Variants in ZNF536 observed in about 807,000 individuals in gnomAD.
The protein encoded by ZNF536 is zinc finger protein 536.
ZNF536 carries 13 observed loss-of-function variants against 84.5 expected under a neutral mutation model. The observed-to-expected ratio is 0.15, with a 90% CI of 0.10 to 0.24. The LOEUF is 0.24. Ranked by LOEUF, ZNF536 falls within the 10% of genes least tolerant of loss-of-function variation. The probability of loss-of-function intolerance (pLI) is 1.00; values close to 1 mark genes in which losing one functional copy is unlikely to be tolerated. For missense variants in ZNF536, 1,536 were observed against 1,747.5 expected, an observed-to-expected ratio of 0.88 and a Z score of 2.16; for synonymous variants, 811 against 742.5, an observed-to-expected ratio of 1.09 and a Z score of -1.50.
chr19:30,232,919 G>A (rs931396924), intron 1 of ZNF536, among the ~76,000 whole-genome samples: 4 of 152,216 alleles, frequency 2.6e-5, no homozygotes, highest in Non-Finnish European at 5.9e-5. Flanking sequence ...TCTCCCTTGG[G>A]GAGAATCAAG....
Position 30,601,845 on chromosome 19 carries a change from C to T in ZNF536, c.169+52331C>T, listed in dbSNP as rs150228455. Among the ~76,000 whole-genome samples, 46 of 152,288 alleles carry T rather than the reference C, an allele frequency of 3.0e-4. 1 individual carries two copies. Among genetic ancestry groups the T allele is most frequent in the African/African-American group, 9.9e-4 (41 of 41,548 alleles). Reference sequence around the variant, plus strand: ...GTGATGCTGAAGGGTGTGGTGGCACCGTGGCTAGGATGGGGTATTAGCAGG... The same window carrying T: ...GTGATGCTGAAGGGTGTGGTGGCACTGTGGCTAGGATGGGGTATTAGCAGG... On this transcript the variant is annotated intron_variant, in intron 1 of 1. Coordinates refer to the ZNF536 transcript ENST00000592773.
downstream of ZNF536, among the ~76,000 whole-genome samples, chr19:30,562,749 G>A (rs143001373): frequency 1.2e-3 from 178 of 151,830 alleles, no homozygotes; most frequent in African/African-American, 4.1e-3. Flanking sequence ...CGAGAGATAC[G>A]GGCTCAGGCT....
intron 1 of ZNF536, among the ~76,000 whole-genome samples, chr19:30,398,407 T>C (rs1261377688): frequency 6.6e-6 from 1 of 151,822 alleles, no homozygotes; most frequent in Non-Finnish European, 1.5e-5. Flanking sequence ...TTTTAAATTA[T>C]AGTTTAAGTT....
At position 30,627,943 on chromosome 19, in the gene ZNF536, GCTT is replaced by G. The variant is rs570324525; in HGVS notation, c.169+78435_169+78437del. 2.1e-3 allele frequency among the ~76,000 whole-genome samples: 322 copies of G among 152,304 alleles called. 4 individuals carry two copies. Among genetic ancestry groups the G allele is most frequent in the African/African-American group, 7.0e-3 (291 of 41,572 alleles). On this transcript the variant is annotated intron_variant, in intron 1 of 1. Coordinates refer to the ZNF536 transcript ENST00000592773. ...GGGCTGGGTGGCTCCGGCCATGACT[GCTT>G]CTTCTCTGAGTGTCCATCACGCCTC... is the stretch of plus-strand genomic sequence containing the variant.
At chr19:30,321,784 T>TC (rs2046867102) in intron 2 of ZNF536, among the ~76,000 whole-genome samples, 1 of 151,008 alleles carries the variant, frequency 6.6e-6, no homozygotes, top group East Asian at 1.9e-4. Context: ...TTTCTTTCTT[T>TC]TTTTTTTTTC....
intron 1 of ZNF536, among the ~76,000 whole-genome samples, chr19:30,258,513 A>G (rs975439511): frequency 2.6e-5 from 4 of 152,214 alleles, no homozygotes; most frequent in Non-Finnish European, 4.4e-5. Context: ...AGAAACGGAA[A>G]GTACATTAAC....
chr19:30,540,387 G>A (rs939264716), intron 3 of ZNF536, among the ~76,000 whole-genome samples: 1 of 152,170 alleles, frequency 6.6e-6, no homozygotes, highest in Non-Finnish European at 1.5e-5. Context: ...TGACTACAAA[G>A]CCTGACAGCA....
intron 2 of ZNF536, among the ~76,000 whole-genome samples, chr19:30,344,057 C>G (rs976139213): frequency 2.0e-5 from 3 of 151,894 alleles, no homozygotes; most frequent in Non-Finnish European, 4.4e-5. Context: ...GTTGAAGGGG[C>G]CCCTGTCAGA....
chr19:30,560,304 G>A (rs1402366414), downstream of ZNF536, among the ~76,000 whole-genome samples: 1 of 151,582 alleles, frequency 6.6e-6, no homozygotes, highest in Admixed American at 6.6e-5. Context: ...ATCCCCACAT[G>A]GGAATATAAC....
chr19:30,601,324 G>A (rs1599946073), intron 1 of ZNF536, among the ~76,000 whole-genome samples: 2 of 152,084 alleles, frequency 1.3e-5, no homozygotes, highest in Admixed American at 6.5e-5. Context: ...ACAAAACCAC[G>A]GCTCTCTGGG....
In ZNF536 at chr19:30,644,042, C is replaced by T. The variant is rs552698938; in HGVS notation, c.170-66715C>T. Among the ~76,000 whole-genome samples the T allele has an allele frequency of 1.5e-3, 231 of 152,286 alleles. 1 individual carries two copies. Among genetic ancestry groups the T allele is most frequent in the Middle Eastern group, 3.4e-3 (1 of 294 alleles). On this transcript the variant is annotated intron_variant, in intron 1 of 1. Coordinates refer to the ZNF536 transcript ENST00000592773. ...AATGTCATCTATCCCAAGGTGAAAG[C>T]TTCAGAGACAAGTGTTTAAAATGGC...
At chr19:30,271,943 T>C (rs2025877925) in intron 1 of ZNF536, among the ~76,000 whole-genome samples, 1 of 152,204 alleles carries the variant, frequency 6.6e-6, no homozygotes, top group South Asian at 2.1e-4. Flanking sequence ...ACTGGTAGAA[T>C]GAGGTCTTCA....
chr19:30,534,869 A>T lies in ZNF536; in HGVS notation c.2193A>T (p.Arg731Ser), dbSNP rs1033563568. ...CAGACATTGGCGAGGAGGCTGGGAG[A>T]TCTGCCGGCGTCCAGCAACCAGCGC... Reference protein sequence around the residue: ...SSSDIGEEAGRSAGVQQPALL... With the variant: ...SSSDIGEEAGSSAGVQQPALL... The change falls in exon 3 of 5, where the codon AGA becomes AGT. Residue 731 changes from arginine to serine, a missense_variant. By Grantham distance (110) the Arg-to-Ser change is moderately radical (BLOSUM62 -1). Transcript: ENST00000355537. 1 of 1,613,118 alleles carries T rather than the reference A, an allele frequency of 6.2e-7. No homozygotes were observed. The highest frequency in any genetic ancestry group is 1.1e-5 in the South Asian group (1 of 90,882).
At chr19:30,402,898 C>G (rs955841601) in intron 1 of ZNF536, among the ~76,000 whole-genome samples, 1 of 150,264 alleles carries the variant, frequency 6.7e-6, no homozygotes, top group African/African-American at 2.4e-5. Flanking sequence ...ACCCCCACCC[C>G]ACCCTGGCCA....
At chr19:30,446,271 A>AAAAG (rs1295737805) in intron 2 of ZNF536, among the ~76,000 whole-genome samples, 39 of 147,216 alleles carry the variant, frequency 2.6e-4, no homozygotes, top group East Asian at 1.2e-3. Flanking sequence ...AAAAAAAAAA[A>AAAAG]AAAGAAAGAA....
At chr19:30,610,010 C>T (rs148138471) in intron 1 of ZNF536, among the ~76,000 whole-genome samples, 1 of 152,136 alleles carries the variant, frequency 6.6e-6, no homozygotes, top group Admixed American at 6.5e-5. Context: ...ATCCATTCAT[C>T]CATCCATCCA....
chr19:30,330,741 G>C (rs565451955), intron 2 of ZNF536, among the ~76,000 whole-genome samples: 39 of 152,326 alleles, frequency 2.6e-4, no homozygotes, highest in African/African-American at 7.9e-4. Flanking sequence ...AATGGAAGCA[G>C]GTGGCCAGGG....
intron 1 of ZNF536, among the ~76,000 whole-genome samples, chr19:30,626,223 G>A (rs192336569): frequency 1.2e-4 from 19 of 152,302 alleles, no homozygotes; most frequent in African/African-American, 3.1e-4. Context: ...TGACCTATGA[G>A]GGGATAAATC....
intron 2 of ZNF536, among the ~76,000 whole-genome samples, chr19:30,508,403 T>A (rs1243246998): frequency 1.3e-5 from 2 of 152,168 alleles, no homozygotes; most frequent in African/African-American, 4.8e-5. Flanking sequence ...TCTCCTTCAT[T>A]CTTCAGTCCC....
Sources: allele counts gnomAD v4.1 joint callset (sites outside exome capture counted in the v4.1 genomes callset), GRCh38; gene constraint gnomAD v4.1.1; transcripts MANE v1.5; gene names NCBI Gene and HGNC (gene_info 2026-07-23, HGNC 2026-07-21).